The following CYB5B variants were observed in gnomAD, a reference collection of about 807,000 sequenced individuals.
The protein encoded by CYB5B is cytochrome b5 type B.
Under a neutral mutation model 21.3 loss-of-function variants are expected in CYB5B, and 14 were observed. The observed-to-expected ratio is 0.66, with a 90% CI of 0.43 to 1.03. CYB5B has a LOEUF of 1.03. Ranked by LOEUF, CYB5B falls within the 50% of genes least tolerant of loss-of-function variation. The probability of loss-of-function intolerance (pLI) is 0.00; values close to 1 mark genes in which losing one functional copy is unlikely to be tolerated. For missense variants in CYB5B, 166 were observed against 185.1 expected, an observed-to-expected ratio of 0.90 and a Z score of 0.60; for synonymous variants, 69 against 68.4, an observed-to-expected ratio of 1.01 and a Z score of -0.04.
intron 2 of CYB5B, 41 bp downstream of exon 2, chr16:69,447,319 CTACT>C: frequency 6.2e-7 from 1 of 1,600,800 alleles, no homozygotes; most frequent in Non-Finnish European, 8.5e-7. Flanking sequence ...GCAGAGAAAA[CTACT>C]TAACAGCTGC....
At chr16:69,443,267 T>G (rs1182309007) in intron 1 of CYB5B, 2 of 153,384 alleles carry the variant, frequency 1.3e-5, no homozygotes, top group African/African-American at 4.8e-5. Context: ...AACTTCAAAG[T>G]GAAGGCCTTT....
chr16:69,451,170 G>A (rs939224699), intron 3 of CYB5B, among the ~76,000 whole-genome samples: 3 of 152,112 alleles, frequency 2.0e-5, no homozygotes, highest in African/African-American at 7.2e-5. Flanking sequence ...TTGTCTTTGT[G>A]AATCTCTTCC....
intron 3 of CYB5B, chr16:69,449,816 T>C (rs1353374059): frequency 6.6e-6 from 1 of 152,246 alleles, no homozygotes; most frequent in Admixed American, 6.5e-5. Context: ...CTGAATGATA[T>C]GCCCATCTTT....
At chr16:69,461,964 C>G (rs1234274289) in intron 4 of CYB5B, among the ~76,000 whole-genome samples, 1 of 152,140 alleles carries the variant, frequency 6.6e-6, no homozygotes, top group African/African-American at 2.4e-5. Flanking sequence ...TAGGATATTT[C>G]TGGTAGTTAT....
intron 1 of CYB5B, among the ~76,000 whole-genome samples, chr16:69,444,779 T>TA (rs11420943): frequency 0.17 from 26,343 of 152,010 alleles, 2,399 homozygotes; most frequent in Middle Eastern, 0.25. Flanking sequence ...AAGGATTCAA[T>TA]AAAAAATTGT....
intron 3 of CYB5B, among the ~76,000 whole-genome samples, chr16:69,454,491 T>G (rs1017958406): frequency 5.3e-5 from 8 of 152,182 alleles, no homozygotes; most frequent in African/African-American, 1.9e-4. Flanking sequence ...ACATTTTAGG[T>G]GGTAAAATGA....
chr16:69,433,925 C>G (rs2014731654), intron 1 of CYB5B, among the ~76,000 whole-genome samples: 1 of 152,182 alleles, frequency 6.6e-6, no homozygotes, highest in South Asian at 2.1e-4. Context: ...AGGCTATAAA[C>G]CTGTACAAAC....
rs763663505 is a variant in CYB5B, at chr16:69,424,663, A to T, written c.-21A>T. 1.3e-4 allele frequency: 192 copies of T among 1,514,890 alleles called. No individual in the cohort carries two copies. Among genetic ancestry groups the T allele is most frequent in the Non-Finnish European group, 8.9e-7 (1 of 1,128,416 alleles). The allele number at this position is 1,514,890 out of a possible 1,614,324, so 93.8% of individuals were successfully genotyped here. On this transcript the variant is annotated 5_prime_UTR_variant, in exon 1 of 5. Coordinates refer to ENST00000307892, the MANE Select transcript of CYB5B (RefSeq NM_030579.3). ...TCAAGGAAAGTAGTCGCGGAATCTCAGTTAGCGGTGGAGAGGCAGTATGTC... is the reference window on the plus strand; with the variant it reads ...TCAAGGAAAGTAGTCGCGGAATCTCTGTTAGCGGTGGAGAGGCAGTATGTC...
chr16:69,424,758 C>T lies in CYB5B; in HGVS notation c.75C>T (p.Thr25=), dbSNP rs1217434052. ...GKGQEVETSV[T]YYRLEEVAKR... ...GGCAGGAAGTCGAGACCTCAGTCAC[C>T]TATTACCGGTTGGAGGAGGTGGCAA... The change falls in exon 1 of 5, where the codon ACC becomes ACT. Residue 25 remains threonine (T), a synonymous_variant. Coordinates refer to ENST00000307892, the MANE Select transcript of CYB5B (RefSeq NM_030579.3). The T allele has an allele frequency of 4.4e-6, 7 of 1,604,466 alleles. No homozygotes were observed. Among genetic ancestry groups the T allele is most frequent in the Non-Finnish European group, 4.3e-6 (5 of 1,175,570 alleles).
At chr16:69,427,756 G>T (rs976989092) in intron 1 of CYB5B, among the ~76,000 whole-genome samples, 1 of 151,908 alleles carries the variant, frequency 6.6e-6, no homozygotes, top group African/African-American at 2.4e-5. Context: ...AGCACTTTGC[G>T]AGGCGAAGGT....
At chr16:69,441,954 G>C (rs1177901237) in intron 1 of CYB5B, among the ~76,000 whole-genome samples, 1 of 152,174 alleles carries the variant, frequency 6.6e-6, no homozygotes, top group Non-Finnish European at 1.5e-5. Flanking sequence ...TGTCTGAAAA[G>C]AGTTTGTGTG....
intron 1 of CYB5B, 121 bp from the exon 2 acceptor site, chr16:69,447,029 C>T: frequency 3.3e-6 from 4 of 1,208,694 alleles, no homozygotes; most frequent in Non-Finnish European, 4.6e-6. Flanking sequence ...AGGCACCACA[C>T]AATGTCAATT....
intron 1 of CYB5B, among the ~76,000 whole-genome samples, chr16:69,437,514 A>G (rs9929857): frequency 0.17 from 26,350 of 152,062 alleles, 2,400 homozygotes; most frequent in Middle Eastern, 0.25. Flanking sequence ...ATACACTTCT[A>G]TCTTGTTTTG....
Position 69,462,711 on chromosome 16 carries a change from A to G in CYB5B, c.*191A>G. On this transcript the variant is annotated 3_prime_UTR_variant, in exon 5 of 5. Coordinates refer to ENST00000307892, the MANE Select transcript of CYB5B (RefSeq NM_030579.3). ...TCCATCTCTCAGAGCCTTACTCCCA[A>G]AGTACCTGCTCACTGTTCCGTGTTG... 3.5e-6 allele frequency: 2 copies of G among 564,928 alleles called. No individual in the cohort carries two copies. Among genetic ancestry groups the G allele is most frequent in the South Asian group, 2.0e-5 (1 of 49,720 alleles). The allele number at this position is 564,928 out of a possible 1,614,324, so 35.0% of individuals were successfully genotyped here. A position where few individuals can be genotyped will look rare whatever the true frequency, so the allele number is the denominator to read the frequency against.
chr16:69,434,213 G>GT (rs937226751), intron 1 of CYB5B, among the ~76,000 whole-genome samples: 13 of 152,102 alleles, frequency 8.5e-5, no homozygotes, highest in Admixed American at 5.9e-4. Context: ...TCAGTGATTT[G>GT]TAACTTATGA....
chr16:69,461,506 T>G (rs1311304299), intron 4 of CYB5B, among the ~76,000 whole-genome samples: 1 of 152,228 alleles, frequency 6.6e-6, no homozygotes, highest in East Asian at 1.9e-4. Context: ...CTTATGAACT[T>G]CAGCTCGTTT....
intron 1 of CYB5B, among the ~76,000 whole-genome samples, chr16:69,438,350 A>G (rs1297164354): frequency 1.3e-5 from 2 of 152,232 alleles, no homozygotes; most frequent in African/African-American, 4.8e-5. Flanking sequence ...ACAATGCTGC[A>G]GTGAACATTG....
intron 3 of CYB5B, chr16:69,450,254 T>A (rs2014920046): frequency 2.0e-5 from 3 of 150,590 alleles, no homozygotes; most frequent in Admixed American, 2.0e-4. Context: ...AAAAAACTAT[T>A]GAGCCTTAGA....
At chr16:69,447,523 A>G (rs2014889782) in intron 2 of CYB5B, among the ~76,000 whole-genome samples, 1 of 151,904 alleles carries the variant, frequency 6.6e-6, no homozygotes, top group Admixed American at 6.6e-5. Flanking sequence ...CACACTTGTA[A>G]TTCCAGCTCC....
Sources: allele counts gnomAD v4.1 joint callset (sites outside exome capture counted in the v4.1 genomes callset), GRCh38; gene constraint gnomAD v4.1.1; transcripts MANE v1.5; gene names NCBI Gene and HGNC (gene_info 2026-07-23, HGNC 2026-07-21).